Variants in PPP6R3 observed in about 807,000 individuals in gnomAD.
The protein encoded by PPP6R3 is serine/threonine-protein phosphatase 6 regulatory subunit 3.
In PPP6R3, 38 loss-of-function variants were observed where a neutral mutation model predicts 110.7. The observed-to-expected ratio is 0.34, with a 90% CI of 0.26 to 0.45. The LOEUF (loss-of-function observed/expected upper bound fraction) is 0.45, where lower values mean the gene tolerates loss of function less well. Ranked by LOEUF, PPP6R3 falls within the 20% of genes least tolerant of loss-of-function variation. The probability of loss-of-function intolerance (pLI) is 1.00; values close to 1 mark genes in which losing one functional copy is unlikely to be tolerated. For synonymous variants in PPP6R3, 369 were observed against 373.5 expected, an observed-to-expected ratio of 0.99 and a Z score of 0.14; for missense variants, 870 against 1,062.4, an observed-to-expected ratio of 0.82 and a Z score of 2.52.
chr11:68,548,991 A>G (rs2099360119), intron 5 of PPP6R3, among the ~76,000 whole-genome samples: 1 of 152,070 alleles, frequency 6.6e-6, no homozygotes, highest in Non-Finnish European at 1.5e-5. Flanking sequence ...CCCAGGTTCA[A>G]GCAACTCTCT....
At position 68,614,357 on chromosome 11, in the gene PPP6R3, A is replaced by G. The variant is rs1215159289; in HGVS notation, c.*1240A>G. 4.2e-6 allele frequency: 5 copies of G among 1,190,206 alleles called. No homozygotes were observed. In the East Asian group the frequency reaches 2.2e-4, roughly 52 times the overall value. The allele number at this position is 1,190,206 out of a possible 1,614,324, so 73.7% of individuals were successfully genotyped here. A position where few individuals can be genotyped will look rare whatever the true frequency, so the allele number is the denominator to read the frequency against. ...CTCAAGCAATATATTGTATATTGCC[A>G]TATCGTCTGGTGAAAGGGTTAAATT... On this transcript the variant is annotated 3_prime_UTR_variant, in exon 24 of 24. Coordinates refer to ENST00000393800, the MANE Select transcript of PPP6R3 (RefSeq NM_001164161.2).
intron 1 of PPP6R3, among the ~76,000 whole-genome samples, chr11:68,497,400 T>C (rs1467055860): frequency 6.6e-6 from 1 of 151,022 alleles, no homozygotes; most frequent in Non-Finnish European, 1.5e-5. Context: ...GTCACCTGGC[T>C]GGAGTGCAGT....
chr11:68,537,537 C>T (rs921598597), intron 2 of PPP6R3, 122 bp from the exon 3 acceptor site: 6 of 643,422 alleles, frequency 9.3e-6, no homozygotes, highest in Admixed American at 3.3e-5. Context: ...CAGTGTGAAG[C>T]TTATTTAACT....
intron 2 of PPP6R3, among the ~76,000 whole-genome samples, chr11:68,528,307 ACACCTTCTTTGG>A (rs2099211829): frequency 6.6e-6 from 1 of 152,030 alleles, no homozygotes; most frequent in African/African-American, 2.4e-5. Flanking sequence ...ATTGCTTTTG[ACACCTTCTTTGG>A]AAGAAGCAGT....
chr11:68,469,442 T>C (rs113937147), intron 1 of PPP6R3, among the ~76,000 whole-genome samples: 1,877 of 152,190 alleles, frequency 0.012, 15 homozygotes, highest in African/African-American at 0.029. Flanking sequence ...GCAGTATAGC[T>C]CACTGCAGCC....
At chr11:68,507,005 T>C (rs749426079) in intron 1 of PPP6R3, among the ~76,000 whole-genome samples, 18 of 152,226 alleles carry the variant, frequency 1.2e-4, no homozygotes, top group Non-Finnish European at 2.1e-4. Flanking sequence ...GGCCTTATTC[T>C]AGATGTTGAT....
intron 2 of PPP6R3, among the ~76,000 whole-genome samples, chr11:68,531,472 G>A (rs968360556): frequency 5.9e-5 from 9 of 151,946 alleles, no homozygotes; most frequent in African/African-American, 1.2e-4. Context: ...CGAGTAGCTG[G>A]GACTACAGGT....
chr11:68,542,056 T>C (rs2099318528), intron 3 of PPP6R3, among the ~76,000 whole-genome samples: 1 of 146,726 alleles, frequency 6.8e-6, no homozygotes, highest in Non-Finnish European at 1.5e-5. Flanking sequence ...TTTTCCTAAA[T>C]GGAAGTGATG....
Position 68,573,114 on chromosome 11 carries a change from T to TTTTATATATATATA in PPP6R3, c.1344-994_1344-993insTTATATATATATAT, listed in dbSNP as rs1397314086. Among the ~76,000 whole-genome samples the TTTTATATATATATA allele has an allele frequency of 2.9e-4, 18 of 61,798 alleles. No homozygotes were observed. In the East Asian group the frequency reaches 0.011, roughly 36 times the overall value. The allele number at this position is 61,798 out of a possible 152,430, so 40.5% of individuals were successfully genotyped here. A position where few individuals can be genotyped will look rare whatever the true frequency, so the allele number is the denominator to read the frequency against. On this transcript the variant is annotated intron_variant, in intron 12 of 23. Transcript: ENST00000393800. ...TCAGATTAATATGAGTTTACTTATTTTATATATATATATATATATATATAT... is the reference window on the plus strand; with the variant it reads ...TCAGATTAATATGAGTTTACTTATTTTTTATATATATATATATATATATATATATATATATATAT...
intron 1 of PPP6R3, among the ~76,000 whole-genome samples, chr11:68,492,682 G>A (rs1022267867): frequency 4.6e-5 from 7 of 152,044 alleles, no homozygotes; most frequent in Non-Finnish European, 1.0e-4. Flanking sequence ...CTTTTTTGAG[G>A]AGCTGCCATA....
intron 14 of PPP6R3, among the ~76,000 whole-genome samples, chr11:68,578,017 A>G (rs1361127270): frequency 6.6e-6 from 1 of 152,144 alleles, no homozygotes; most frequent in Non-Finnish European, 1.5e-5. Flanking sequence ...TACTTCTTCA[A>G]TTCTTTATTC....
rs1320130495 is a variant in PPP6R3 at position 68,615,119 on chromosome 11, C to T, written c.*2002C>T. 1.5e-5 allele frequency: 7 copies of T among 459,628 alleles called. No individual in the cohort carries two copies. Among genetic ancestry groups the T allele is most frequent in the Admixed American group, 2.3e-5 (1 of 42,668 alleles). 28.5% of individuals were successfully genotyped at this position (459,628 alleles called of 1,614,324 possible). ...TCTTTGGGGCATCATTTTGTTTTGT[C>T]TTTCGTAGCAGGGAAAGGATATGAC... is the stretch of plus-strand genomic sequence containing the variant. On this transcript the variant is annotated 3_prime_UTR_variant, in exon 24 of 24. Coordinates refer to ENST00000393800, the MANE Select transcript of PPP6R3 (RefSeq NM_001164161.2).
Position 68,464,768 on chromosome 11 carries a change from T to C in PPP6R3, c.-158+3941T>C, listed in dbSNP as rs662856. 1.4e-3 allele frequency among the ~76,000 whole-genome samples: 219 copies of C among 152,326 alleles called. 1 individual carries two copies. The highest frequency in any genetic ancestry group is 5.0e-3 in the African/African-American group (206 of 41,570). On this transcript the variant is annotated intron_variant, in intron 1 of 23. Coordinates refer to ENST00000393800, the MANE Select transcript of PPP6R3 (RefSeq NM_001164161.2). ...TGAAACTAAGCAAAATTCTTAGATA[T>C]TTAGAGTTTGCTTCTGTGCTGAATA...
intron 1 of PPP6R3, among the ~76,000 whole-genome samples, chr11:68,486,603 TAAAAAAA>T (rs61408861): frequency 9.8e-5 from 11 of 111,682 alleles, no homozygotes; most frequent in African/African-American, 1.7e-4. Flanking sequence ...GACTCTGTCT[TAAAAAAA>T]AAAAAAAAAA....
At chr11:68,561,609 C>T (rs1361586761) in intron 8 of PPP6R3, among the ~76,000 whole-genome samples, 1 of 152,148 alleles carries the variant, frequency 6.6e-6, no homozygotes, top group Non-Finnish European at 1.5e-5. Flanking sequence ...CTCATTCATC[C>T]TTCAAAATCT....
At position 68,491,154 on chromosome 11, in the gene PPP6R3, T is replaced by C. The variant is rs112300444; in HGVS notation, c.-157-28347T>C. ...GTGAGCCTTGTTTGTGTCACTGCAC[T>C]CCAGCCTGGGTGACAAAGCGAGATC... is the stretch of plus-strand genomic sequence containing the variant. On this transcript the variant is annotated intron_variant, in intron 1 of 23. Transcript: ENST00000393800. Among the ~76,000 whole-genome samples the C allele has an allele frequency of 3.5e-3, 527 of 152,214 alleles. 8 individuals are homozygous for C. Among genetic ancestry groups the C allele is most frequent in the African/African-American group, 0.012 (504 of 41,512 alleles).
chr11:68,523,351 G>A (rs945472206), intron 2 of PPP6R3, among the ~76,000 whole-genome samples: 3 of 152,130 alleles, frequency 2.0e-5, no homozygotes, highest in Non-Finnish European at 2.9e-5. Context: ...TCTATCTCTT[G>A]ATGTCTCGTA....
intron 1 of PPP6R3, among the ~76,000 whole-genome samples, chr11:68,507,023 T>C (rs1193095301): frequency 2.0e-5 from 3 of 152,232 alleles, no homozygotes; most frequent in Non-Finnish European, 4.4e-5. Flanking sequence ...GATGTACTAA[T>C]TTATGACTTG....
At chr11:68,495,714 TTTTA>T (rs1377960900) in intron 1 of PPP6R3, among the ~76,000 whole-genome samples, 2 of 152,246 alleles carry the variant, frequency 1.3e-5, no homozygotes, top group East Asian at 1.9e-4. Context: ...GAATATTACC[TTTTA>T]TTTATTCATT....
Sources: allele counts gnomAD v4.1 joint callset (sites outside exome capture counted in the v4.1 genomes callset), GRCh38; gene constraint gnomAD v4.1.1; transcripts MANE v1.5; gene names NCBI Gene and HGNC (gene_info 2026-07-23, HGNC 2026-07-21).